Variants in GREB1L observed in about 807,000 individuals in gnomAD.
GREB1L encodes GREB1-like protein.
Under a neutral mutation model 200.8 loss-of-function variants are expected in GREB1L, and 17 were observed. That is an observed-to-expected ratio of 0.08 (90% CI 0.06 to 0.13). The LOEUF is 0.13. Ranked by LOEUF, GREB1L falls within the 10% of genes least tolerant of loss-of-function variation. The probability of loss-of-function intolerance (pLI) is 1.00; values close to 1 mark genes in which losing one functional copy is unlikely to be tolerated. For synonymous variants in GREB1L, 789 were observed against 893.0 expected, an observed-to-expected ratio of 0.88 and a Z score of 2.08; for missense variants, 1,657 against 2,367.7, an observed-to-expected ratio of 0.70 and a Z score of 6.23.
At chr18:21,330,754 A>C (rs901634550) in intron 1 of GREB1L, among the ~76,000 whole-genome samples, 1 of 152,138 alleles carries the variant, frequency 6.6e-6, no homozygotes, top group African/African-American at 2.4e-5. Flanking sequence ...ATTTTAAGGG[A>C]GTGTCAGAAG....
chr18:21,281,955 A>G (rs973002280), intron 1 of GREB1L, among the ~76,000 whole-genome samples: 3 of 152,170 alleles, frequency 2.0e-5, no homozygotes, highest in Non-Finnish European at 4.4e-5. Context: ...TAACATATAT[A>G]TTATAAATAT....
chr18:21,299,281 A>G (rs1253905417), intron 1 of GREB1L, among the ~76,000 whole-genome samples: 17 of 88,388 alleles, frequency 1.9e-4, no homozygotes, highest in Non-Finnish European at 2.8e-4. Flanking sequence ...TCAGTCTCGA[A>G]AAAAAAAAAA....
chr18:21,520,639 T>C (rs1482080172), intron 31 of GREB1L, 49 bp from the exon 32 acceptor site: 1 of 1,546,632 alleles, frequency 6.5e-7, no homozygotes, highest in East Asian at 2.4e-5. Context: ...ACTGCAGATA[T>C]TTTGCTTGCT....
intron 7 of GREB1L, among the ~76,000 whole-genome samples, chr18:21,426,892 G>T (rs939866367): frequency 2.0e-4 from 29 of 147,178 alleles, no homozygotes; most frequent in African/African-American, 6.9e-4. Context: ...CCGGGAGGCA[G>T]AGTTTGCAGC....
chr18:21,396,734 A>G (rs1483805109), intron 5 of GREB1L, among the ~76,000 whole-genome samples: 1 of 152,216 alleles, frequency 6.6e-6, no homozygotes, highest in African/African-American at 2.4e-5. Context: ...TTTATCTAGA[A>G]TTATTTTACT....
At chr18:21,486,464 C>G (rs1288817658) in intron 18 of GREB1L, among the ~76,000 whole-genome samples, 1 of 152,056 alleles carries the variant, frequency 6.6e-6, no homozygotes, top group Admixed American at 6.6e-5. Flanking sequence ...AGGCAAGGAC[C>G]CTAAGATGAT....
intron 4 of GREB1L, among the ~76,000 whole-genome samples, chr18:21,385,537 C>T (rs1178087145): frequency 6.6e-6 from 1 of 152,070 alleles, no homozygotes; most frequent in African/African-American, 2.4e-5. Flanking sequence ...CTGCCTGTAG[C>T]GCATTATTCC....
intron 1 of GREB1L, among the ~76,000 whole-genome samples, chr18:21,277,781 C>T (rs946798420): frequency 3.3e-5 from 5 of 152,178 alleles, no homozygotes; most frequent in East Asian, 1.9e-4. Context: ...GCCACCAGAC[C>T]GTCATGCTCT....
At chr18:21,311,329 T>C (rs749023613) in intron 1 of GREB1L, among the ~76,000 whole-genome samples, 2 of 152,224 alleles carry the variant, frequency 1.3e-5, no homozygotes, top group Non-Finnish European at 2.9e-5. Flanking sequence ...ACAGTGGTGT[T>C]TTTGTAACAG....
intron 1 of GREB1L, among the ~76,000 whole-genome samples, chr18:21,355,003 A>C (rs2039483377): frequency 6.6e-6 from 1 of 152,152 alleles, no homozygotes; most frequent in Non-Finnish European, 1.5e-5. Flanking sequence ...CAAGGAGGAC[A>C]ATTAGACAAG....
chr18:21,423,963 T>G (rs2032368286), intron 7 of GREB1L, among the ~76,000 whole-genome samples: 1 of 152,204 alleles, frequency 6.6e-6, no homozygotes. Context: ...ACTTCTGGAC[T>G]ATACAGAGGG....
intron 7 of GREB1L, among the ~76,000 whole-genome samples, chr18:21,428,330 G>GT (rs1460650679): frequency 1.5e-4 from 7 of 47,962 alleles, no homozygotes; most frequent in Admixed American, 2.2e-4. Flanking sequence ...TTGTCTTTTT[G>GT]TCTTTTTTTT....
intron 7 of GREB1L, among the ~76,000 whole-genome samples, chr18:21,422,995 A>G (rs943481288): frequency 2.0e-5 from 3 of 152,040 alleles, no homozygotes; most frequent in Non-Finnish European, 4.4e-5. Flanking sequence ...TAGTGGCGCG[A>G]TCTCGGCTCA....
chr18:21,505,733 G>A, intron 24 of GREB1L, 77 bp from the exon 25 acceptor site: 3 of 1,449,250 alleles, frequency 2.1e-6, no homozygotes, highest in South Asian at 1.4e-5. Context: ...TCATTTTGGG[G>A]AAAGAGGGAC....
intron 27 of GREB1L, among the ~76,000 whole-genome samples, chr18:21,509,341 G>C (rs1358433963): frequency 6.6e-6 from 1 of 152,222 alleles, no homozygotes; most frequent in Non-Finnish European, 1.5e-5. Flanking sequence ...GCCAAGTCAG[G>C]AGCTGCTTGT....
At chr18:21,266,913 A>T (rs917662097) in intron 1 of GREB1L, among the ~76,000 whole-genome samples, 1 of 152,062 alleles carries the variant, frequency 6.6e-6, no homozygotes, top group African/African-American at 2.4e-5. Context: ...AGATAATCTG[A>T]CATTTAGCTG....
intron 7 of GREB1L, among the ~76,000 whole-genome samples, chr18:21,422,746 A>G (rs1448118317): frequency 6.6e-6 from 1 of 152,218 alleles, no homozygotes; most frequent in Admixed American, 6.5e-5. Flanking sequence ...ACCTCAATAT[A>G]TATCATTTCT....
chr18:21,488,562 T>C (rs1457148994), intron 18 of GREB1L, among the ~76,000 whole-genome samples: 2 of 152,162 alleles, frequency 1.3e-5, no homozygotes, highest in Non-Finnish European at 2.9e-5. Context: ...AGAAAGAAAG[T>C]GCACAGCCCC....
At position 21,505,455 on chromosome 18, in the gene GREB1L, C is replaced by T. The variant is rs1292502614; in HGVS notation, c.4116C>T (p.Pro1372=). ...SSEVSQSEGE[P]WPDIESFSKM... is the part of the protein sequence containing the mutation. ...AAGTGAGCCAGTCAGAGGGAGAGCCCTGGCCTGACATCGAGAGCTTCAGTA... is the reference window on the plus strand; with the variant it reads ...AAGTGAGCCAGTCAGAGGGAGAGCCTTGGCCTGACATCGAGAGCTTCAGTA... The change falls in exon 24 of 33, where the codon CCC becomes CCT. Residue 1372 remains proline, a synonymous_variant. Coordinates refer to ENST00000424526, the MANE Select transcript of GREB1L (RefSeq NM_001142966.3). 4.5e-6 allele frequency: 7 copies of T among 1,551,628 alleles called. No homozygotes were observed.
Sources: gnomAD v4.1 joint callset for allele counts (sites outside exome capture counted in the v4.1 genomes callset) on GRCh38, gnomAD v4.1.1 for gene constraint, MANE v1.5 for transcripts, NCBI Gene and HGNC (gene_info 2026-07-23, HGNC 2026-07-21) for gene names.